The following EIF2AK4 variants were observed in gnomAD, a reference collection of about 807,000 sequenced individuals.
EIF2AK4 encodes the protein eukaryotic translation initiation factor 2 alpha kinase 4.
A neutral mutation model predicts 211.1 loss-of-function variants in EIF2AK4; 139 were observed. The observed-to-expected ratio is 0.66, with a 90% CI of 0.57 to 0.76. EIF2AK4 has a LOEUF of 0.76. Among genes scored for constraint, EIF2AK4 ranks in the 30% least tolerant of loss-of-function variants. The pLI, the probability that EIF2AK4 is intolerant of heterozygous loss-of-function variation, is 0.00. For missense variants in EIF2AK4, 1,664 were observed against 2,043.8 expected (o/e 0.81, Z 3.58); for synonymous variants, 710 against 751.3 (o/e 0.94, Z 0.90).
intron 6 of EIF2AK4, among the ~76,000 whole-genome samples, chr15:39,959,935 G>A (rs1050450336): frequency 3.3e-5 from 5 of 152,046 alleles, no homozygotes; most frequent in African/African-American, 9.7e-5. Context: ...AGGCCAAGGC[G>A]GGCAGATCAC....
chr15:39,949,019 C>A, intron 3 of EIF2AK4, 97 bp from the exon 4 acceptor site: 1 of 1,439,456 alleles, frequency 6.9e-7, no homozygotes, highest in Non-Finnish European at 9.5e-7. Flanking sequence ...CTAAGTGGGC[C>A]TCTGACCGCC....
At chr15:39,988,946 A>C (rs544552027) in intron 15 of EIF2AK4, among the ~76,000 whole-genome samples, 1 of 152,332 alleles carries the variant, frequency 6.6e-6, no homozygotes, top group East Asian at 1.9e-4. Flanking sequence ...GGTTGCAGTG[A>C]GCTGAGATTG....
intron 18 of EIF2AK4, among the ~76,000 whole-genome samples, chr15:39,994,725 G>A (rs1439203398): frequency 2.0e-5 from 3 of 152,190 alleles, no homozygotes; most frequent in Non-Finnish European, 2.9e-5. Context: ...GGGAGCATTG[G>A]ACAACAACAT....
intron 18 of EIF2AK4, among the ~76,000 whole-genome samples, chr15:39,995,522 C>T (rs1254185196): frequency 6.6e-6 from 1 of 152,170 alleles, no homozygotes; most frequent in Non-Finnish European, 1.5e-5. Flanking sequence ...CCATCTTCTC[C>T]TTCGTGGCAC....
chr15:39,939,698 T>C (rs1022537589), intron 2 of EIF2AK4, 81 bp downstream of exon 2: 3 of 1,159,666 alleles, frequency 2.6e-6, no homozygotes, highest in Non-Finnish European at 3.7e-6. Context: ...ATTCGTAGTA[T>C]TTTCTCCTTC....
chr15:40,022,112 T>G (rs1321844883), intron 31 of EIF2AK4: 1 of 166,814 alleles, frequency 6.0e-6, no homozygotes, highest in East Asian at 1.8e-4. Flanking sequence ...CTGGTTTGCT[T>G]CTTCAGTTCT....
intron 2 of EIF2AK4, among the ~76,000 whole-genome samples, 186 bp downstream of exon 2, chr15:39,939,803 G>A (rs915951258): frequency 6.6e-6 from 1 of 152,156 alleles, no homozygotes; most frequent in African/African-American, 2.4e-5. Flanking sequence ...TTTTAAGCCT[G>A]TTCATAGTTA....
chr15:39,935,050 A>G (rs760048547), intron 1 of EIF2AK4, among the ~76,000 whole-genome samples: 4 of 152,222 alleles, frequency 2.6e-5, no homozygotes, highest in African/African-American at 4.8e-5. Flanking sequence ...TAAAAGAAAA[A>G]AAAAATTCGC....
At chr15:40,000,850 C>T in intron 20 of EIF2AK4, 138 bp from the exon 21 acceptor site, 1 of 818,676 alleles carries the variant, frequency 1.2e-6, no homozygotes, top group Non-Finnish European at 2.0e-6. Context: ...ATGACCTATT[C>T]AGAAATTTCA....
At chr15:40,015,421 CAA>C (rs1392795473) in intron 27 of EIF2AK4, among the ~76,000 whole-genome samples, 1 of 152,158 alleles carries the variant, frequency 6.6e-6, no homozygotes, top group Non-Finnish European at 1.5e-5. Flanking sequence ...TGGCAGCAGG[CAA>C]AGAGAGAGAA....
intron 2 of EIF2AK4, among the ~76,000 whole-genome samples, chr15:39,941,323 G>A (rs561651002): frequency 5.3e-5 from 8 of 152,232 alleles, no homozygotes; most frequent in Admixed American, 1.3e-4. Flanking sequence ...TGATCCTGAA[G>A]CTATCCAGGT....
chr15:40,003,237 C>G lies in EIF2AK4; in HGVS notation c.3280C>G (p.Gln1094Glu). The change falls in exon 23 of 39, where the codon CAA (glutamine) becomes GAA (glutamate). Residue 1094 changes from glutamine (Q) to glutamate (E), a missense_variant. Gln to Glu is a conservative substitution (Grantham distance 29). Transcript: ENST00000263791. ...TCCACTACTGCTTCCCCGAAACAGACAAATATATGAGCACAACGAAGCTGC... is the reference window on the plus strand; with the variant it reads ...TCCACTACTGCTTCCCCGAAACAGAGAAATATATGAGCACAACGAAGCTGC... The part of the protein sequence containing the change: ...CTPLLLPRNR[Q>E]IYEHNEAALF... The G allele has an allele frequency of 6.2e-7, 1 of 1,614,152 alleles. No individual in the cohort carries two copies. Among genetic ancestry groups the G allele is most frequent in the Non-Finnish European group, 8.5e-7 (1 of 1,180,020 alleles).
At chr15:40,034,256 A>T in intron 37 of EIF2AK4, 70 bp from the exon 38 acceptor site, 1 of 1,154,998 alleles carries the variant, frequency 8.7e-7, no homozygotes, top group Non-Finnish European at 1.3e-6. Context: ...GAATTTCATT[A>T]GTGACCCAGA....
intron 6 of EIF2AK4, among the ~76,000 whole-genome samples, chr15:39,958,227 G>A (rs1464799643): frequency 6.6e-6 from 1 of 152,194 alleles, no homozygotes; most frequent in African/African-American, 2.4e-5. Flanking sequence ...TGTAGAAGAA[G>A]CAAAACTAAA....
intron 6 of EIF2AK4, among the ~76,000 whole-genome samples, chr15:39,956,208 G>A (rs1246570695): frequency 6.6e-6 from 1 of 151,884 alleles, no homozygotes; most frequent in Non-Finnish European, 1.5e-5. Context: ...GTTTCACTGT[G>A]TTGGCCAGGC....
intron 7 of EIF2AK4, 123 bp downstream of exon 7, chr15:39,962,022 G>C: frequency 1.5e-6 from 1 of 646,544 alleles, no homozygotes; most frequent in South Asian, 2.3e-5. Flanking sequence ...CATCAAGCTG[G>C]TAGTCATTCT....
intron 17 of EIF2AK4, 113 bp downstream of exon 17, chr15:39,992,342 T>C (rs2034955322): frequency 1.2e-6 from 1 of 820,584 alleles, no homozygotes; most frequent in African/African-American, 1.7e-5. Context: ...TTTTAATTGC[T>C]CCTTAAGTTA....
chr15:39,952,371 G>A (rs1352318414), intron 4 of EIF2AK4, among the ~76,000 whole-genome samples: 1 of 150,858 alleles, frequency 6.6e-6, no homozygotes, highest in African/African-American at 2.4e-5. Flanking sequence ...GCTCACCGCA[G>A]CTCAAGGGAT....
In EIF2AK4 at chr15:40,019,974, C is replaced by G. The variant is rs2035360622; in HGVS notation, c.4173+774C>G. ...AGGAGTTCAAGACTAGCCTGGGCAA[C>G]ATAGCAAAACCCCATCTCTACCAAA... On this transcript the variant is annotated intron_variant, in intron 30 of 38. Coordinates refer to ENST00000263791, the MANE Select transcript of EIF2AK4 (RefSeq NM_001013703.4). 2.6e-5 allele frequency among the ~76,000 whole-genome samples: 4 copies of G among 151,986 alleles called. No individual in the cohort carries two copies. The South Asian group carries it at 8.3e-4, about 32-fold the overall frequency.
Sources: gnomAD v4.1 joint callset for allele counts (sites outside exome capture counted in the v4.1 genomes callset) on GRCh38, gnomAD v4.1.1 for gene constraint, MANE v1.5 for transcripts, NCBI Gene and HGNC (gene_info 2026-07-23, HGNC 2026-07-21) for gene names.